Variants in LRP1B observed in about 807,000 individuals in gnomAD.
LRP1B encodes the protein LDL receptor related protein 1B.
In LRP1B, 217 loss-of-function variants were observed where a neutral mutation model predicts 556.6. That is an observed-to-expected ratio of 0.39 (90% CI 0.35 to 0.44). LRP1B has a LOEUF of 0.44. LRP1B is among the 20% of genes least tolerant of loss of function. LRP1B has a pLI of 1.00. For synonymous variants in LRP1B, 2,047 were observed against 1,865.8 expected (o/e 1.10, Z -2.50); for missense variants, 5,053 against 5,620.8 (o/e 0.90, Z 3.23).
chr2:140,549,440 T>G (rs1680465314), intron 43 of LRP1B, among the ~76,000 whole-genome samples: 1 of 152,162 alleles, frequency 6.6e-6, no homozygotes, highest in South Asian at 2.1e-4. Context: ...AAAAGTGAGT[T>G]GATGGGACTT....
intron 41 of LRP1B, among the ~76,000 whole-genome samples, chr2:140,638,961 T>C (rs1261021085): frequency 1.3e-5 from 2 of 152,090 alleles, no homozygotes; most frequent in Non-Finnish European, 2.9e-5. Context: ...TTGTGCTTAA[T>C]GTATAAGTAA....
chr2:141,269,887 A>T (rs762185323), intron 3 of LRP1B, among the ~76,000 whole-genome samples: 11 of 152,152 alleles, frequency 7.2e-5, no homozygotes, highest in Non-Finnish European at 2.9e-5. Context: ...AACTTTTGAA[A>T]ACATGCTTAA....
chr2:140,944,133 T>C (rs1233403367), intron 20 of LRP1B, among the ~76,000 whole-genome samples: 1 of 152,116 alleles, frequency 6.6e-6, no homozygotes, highest in African/African-American at 2.4e-5. Context: ...CAGGGACTAT[T>C]ATGAACACCT....
At chr2:141,869,106 C>T (rs1698500967) in intron 1 of LRP1B, among the ~76,000 whole-genome samples, 1 of 151,998 alleles carries the variant, frequency 6.6e-6, no homozygotes, top group Non-Finnish European at 1.5e-5. Context: ...GTGTTTGGAC[C>T]ACAATTGCTA....
At chr2:141,783,752 C>T (rs1695337385) in intron 2 of LRP1B, among the ~76,000 whole-genome samples, 1 of 151,572 alleles carries the variant, frequency 6.6e-6, no homozygotes, top group African/African-American at 2.4e-5. Context: ...TATTATATAG[C>T]AGATAATGTT....
At chr2:141,176,175 A>G (rs181503076) in intron 7 of LRP1B, among the ~76,000 whole-genome samples, 178 of 152,186 alleles carry the variant, frequency 1.2e-3, no homozygotes, top group African/African-American at 4.1e-3. Flanking sequence ...TTTTGAGTCA[A>G]TGCTGGAATG....
chr2:140,854,086 G>C (rs1174923235), intron 27 of LRP1B, among the ~76,000 whole-genome samples: 1 of 147,738 alleles, frequency 6.8e-6, no homozygotes, highest in Admixed American at 6.7e-5. Flanking sequence ...AGAAGAAAAT[G>C]AAGGAGAAAA....
chr2:140,595,090 A>ATATCTATATATC lies in LRP1B; in HGVS notation c.7194+3540_7194+3541insGATATATAGATA, dbSNP rs1207265838. 6.0e-4 allele frequency among the ~76,000 whole-genome samples: 2 copies of ATATCTATATATC among 3,334 alleles called. 1 individual carries two copies. Among genetic ancestry groups the ATATCTATATATC allele is most frequent in the African/African-American group, 1.7e-3 (2 of 1,170 alleles). 2.2% of individuals were successfully genotyped at this position (3,334 alleles called of 152,430 possible). A position where few individuals can be genotyped will look rare whatever the true frequency, so the allele number is the denominator to read the frequency against. On this transcript the variant is annotated intron_variant, in intron 43 of 90. Coordinates refer to ENST00000389484, the MANE Select transcript of LRP1B (RefSeq NM_018557.3). ...CTTAAAAATAAAATATAAATTGAAT[A>ATATCTATATATC]TATATATATATATATATATATATAT...
intron 2 of LRP1B, among the ~76,000 whole-genome samples, chr2:141,679,593 C>G (rs71417155): frequency 6.6e-6 from 1 of 152,242 alleles, no homozygotes; most frequent in African/African-American, 2.4e-5. Context: ...CTACCAATCC[C>G]TCTTCTAAAG....
intron 41 of LRP1B, among the ~76,000 whole-genome samples, chr2:140,664,166 A>G (rs964011996): frequency 6.6e-6 from 1 of 152,202 alleles, no homozygotes; most frequent in African/African-American, 2.4e-5. Context: ...ACCATAACAG[A>G]TATAATAATA....
At chr2:141,909,167 G>A (rs865873703) in intron 1 of LRP1B, among the ~76,000 whole-genome samples, 4 of 152,000 alleles carry the variant, frequency 2.6e-5, no homozygotes, top group Admixed American at 1.3e-4. Flanking sequence ...ACAGAAGAAG[G>A]ACTTGTTCCA....
At chr2:140,920,761 TC>T (rs1450499328) in intron 21 of LRP1B, among the ~76,000 whole-genome samples, 2 of 152,034 alleles carry the variant, frequency 1.3e-5, no homozygotes, top group Admixed American at 1.3e-4. Context: ...TTTCACTTTT[TC>T]CTTTTAAAGT....
At chr2:141,999,193 C>G (rs1702587659) in intron 1 of LRP1B, among the ~76,000 whole-genome samples, 1 of 152,038 alleles carries the variant, frequency 6.6e-6, no homozygotes, top group Non-Finnish European at 1.5e-5. Flanking sequence ...TTCTGGTCAG[C>G]TGTGGCTGAA....
At chr2:141,892,730 G>C (rs1176800793) in intron 1 of LRP1B, among the ~76,000 whole-genome samples, 1 of 152,058 alleles carries the variant, frequency 6.6e-6, no homozygotes, top group African/African-American at 2.4e-5. Flanking sequence ...AGATTACAGA[G>C]GTCAAAATGG....
At chr2:141,832,276 C>T (rs952562253) in intron 1 of LRP1B, among the ~76,000 whole-genome samples, 5 of 150,062 alleles carry the variant, frequency 3.3e-5, no homozygotes, top group Non-Finnish European at 7.4e-5. Flanking sequence ...TAGAATTGAC[C>T]TTGAAAATTG....
intron 1 of LRP1B, among the ~76,000 whole-genome samples, chr2:142,113,706 T>C (rs1030503680): frequency 2.6e-5 from 4 of 152,090 alleles, no homozygotes; most frequent in African/African-American, 9.7e-5. Context: ...TTCTGGACAC[T>C]TGTTTTTATT....
intron 86 of LRP1B, among the ~76,000 whole-genome samples, chr2:140,262,821 C>T (rs1682010092): frequency 6.6e-6 from 1 of 152,156 alleles, no homozygotes; most frequent in African/African-American, 2.4e-5. Flanking sequence ...CAATATCTCC[C>T]TAGTCCTCAG....
chr2:140,708,858 T>C (rs191491381), intron 37 of LRP1B, among the ~76,000 whole-genome samples: 15 of 152,178 alleles, frequency 9.9e-5, no homozygotes, highest in African/African-American at 3.6e-4. Flanking sequence ...AAGTTTTTAA[T>C]TTGTTCCATG....
intron 2 of LRP1B, among the ~76,000 whole-genome samples, chr2:141,612,099 C>A (rs1331350937): frequency 1.3e-5 from 2 of 152,190 alleles, no homozygotes; most frequent in Non-Finnish European, 2.9e-5. Context: ...AAACAACAAA[C>A]CTTGTAATAT....
Sources: allele counts gnomAD v4.1 joint callset (sites outside exome capture counted in the v4.1 genomes callset), GRCh38; gene constraint gnomAD v4.1.1; transcripts MANE v1.5; gene names NCBI Gene and HGNC (gene_info 2026-07-23, HGNC 2026-07-21).